The following ANK2 variants were observed in gnomAD, a reference collection of about 807,000 sequenced individuals.
ANK2 encodes the protein ankyrin 2.
ANK2 carries 83 observed loss-of-function variants against 360.5 expected under a neutral mutation model. The ratio of observed to expected loss-of-function variants is 0.23; its 90% CI spans 0.19 to 0.28. ANK2 has a LOEUF of 0.28. Ranked by LOEUF, ANK2 falls within the 10% of genes least tolerant of loss-of-function variation. ANK2 has a pLI of 1.00. For missense variants in ANK2, 4,201 were observed against 4,795.7 expected (o/e 0.88, Z 3.66); for synonymous variants, 1,740 against 1,759.5 (o/e 0.99, Z 0.28).
chr4:112,788,187 T>C, the ANK2 span: 5 of 1,588,288 alleles, frequency 3.1e-6, no homozygotes, highest in South Asian at 5.5e-5. Context: ...TGACGGCAGA[T>C]CTCATCGTAT....
intron 1 of ANK2, among the ~76,000 whole-genome samples, chr4:112,858,435 G>A (rs376853027): frequency 1.3e-4 from 20 of 152,254 alleles, no homozygotes; most frequent in African/African-American, 4.8e-4. Context: ...TTTGATTGAT[G>A]AGTGAGAAAA....
intron 1 of ANK2, among the ~76,000 whole-genome samples, chr4:113,165,532 T>G (rs990285260): frequency 6.6e-6 from 1 of 152,188 alleles, no homozygotes; most frequent in Non-Finnish European, 1.5e-5. Context: ...GCAGAACTTT[T>G]CAAATATATC....
At chr4:113,228,819 A>AT (rs886200748) in intron 4 of ANK2, among the ~76,000 whole-genome samples, 40 of 151,804 alleles carry the variant, frequency 2.6e-4, no homozygotes, top group African/African-American at 6.5e-4. Context: ...CTTGCAATAT[A>AT]TTTTTTTTTA....
intron 1 of ANK2, chr4:112,827,367 T>G: frequency 7.4e-7 from 1 of 1,350,876 alleles, no homozygotes; most frequent in South Asian, 1.2e-5. Context: ...AGATACAGCA[T>G]AGAGATGCTA....
chr4:113,039,883 G>A (rs10015551), intron 2 of ANK2, among the ~76,000 whole-genome samples: 14 of 151,714 alleles, frequency 9.2e-5, no homozygotes, highest in Non-Finnish European at 1.6e-4. Flanking sequence ...TATAATGGAC[G>A]TAAATATGGA....
intron 1 of ANK2, among the ~76,000 whole-genome samples, chr4:112,899,348 C>T (rs988934215): frequency 8.5e-5 from 13 of 152,160 alleles, no homozygotes; most frequent in African/African-American, 2.9e-4. Flanking sequence ...TTAGTGACAT[C>T]CAAAATAATT....
chr4:112,817,312 C>T (rs899986906), upstream of ANK2, among the ~76,000 whole-genome samples: 1 of 152,108 alleles, frequency 6.6e-6, no homozygotes, highest in African/African-American at 2.4e-5. Context: ...ATTAGAAGCT[C>T]TGTAACAAAT....
chr4:112,924,726 A>G (rs1252143182), intron 2 of ANK2, among the ~76,000 whole-genome samples: 3 of 152,058 alleles, frequency 2.0e-5, no homozygotes, highest in Non-Finnish European at 4.4e-5. Context: ...ATTTATATGC[A>G]TAGAAAAATG....
chr4:113,241,817 A>G (rs1464242894), intron 8 of ANK2, among the ~76,000 whole-genome samples: 1 of 152,198 alleles, frequency 6.6e-6, no homozygotes, highest in East Asian at 1.9e-4. Context: ...TTTTGTTTCT[A>G]TTACAGTAAA....
At chr4:113,172,238 G>A (rs2097995175) in intron 1 of ANK2, among the ~76,000 whole-genome samples, 1 of 152,134 alleles carries the variant, frequency 6.6e-6, no homozygotes, top group Non-Finnish European at 1.5e-5. Context: ...ACTTTATTTA[G>A]CAAGTGCCAT....
chr4:113,219,432 A>G (rs2099124438), intron 4 of ANK2, among the ~76,000 whole-genome samples: 1 of 151,928 alleles, frequency 6.6e-6, no homozygotes, highest in East Asian at 1.9e-4. Flanking sequence ...TTTATGTGAT[A>G]TGGTGAGCAG....
At chr4:113,310,631 G>A (rs1375017111) in intron 23 of ANK2, among the ~76,000 whole-genome samples, 1 of 152,110 alleles carries the variant, frequency 6.6e-6, no homozygotes, top group Non-Finnish European at 1.5e-5. Context: ...TGGTCAGGCT[G>A]GTCTTGAACT....
At chr4:113,045,326 C>A (rs1390030552), upstream of ANK2, among the ~76,000 whole-genome samples, 3 of 152,154 alleles carry the variant, frequency 2.0e-5, no homozygotes, top group African/African-American at 7.2e-5. Flanking sequence ...CATCTGACAG[C>A]GGTTTCTTTT....
At chr4:113,280,338 T>G (rs989622335) in intron 17 of ANK2, among the ~76,000 whole-genome samples, 1 of 152,172 alleles carries the variant, frequency 6.6e-6, no homozygotes, top group African/African-American at 2.4e-5. Flanking sequence ...GCCTCTACCT[T>G]GTATGGTCCT....
the ANK2 span, among the ~76,000 whole-genome samples, chr4:112,784,516 T>C: frequency 6.6e-6 from 1 of 151,998 alleles, no homozygotes; most frequent in East Asian, 1.9e-4. Context: ...GCTAATTTTT[T>C]GTATTTGTAG....
At chr4:112,735,785 A>G in the ANK2 span, among the ~76,000 whole-genome samples, 1 of 152,236 alleles carries the variant, frequency 6.6e-6, no homozygotes. Flanking sequence ...ACTAATTTCT[A>G]GAAATTTTTC....
intron 1 of ANK2, among the ~76,000 whole-genome samples, chr4:113,079,897 A>AATTTT (rs1561912679): frequency 1.4e-5 from 2 of 144,426 alleles, no homozygotes; most frequent in African/African-American, 2.6e-5. Context: ...CACCCTGAGA[A>AATTTT]TTTTTTTTTT....
At chr4:113,296,192 G>C (rs534581775) in intron 22 of ANK2, among the ~76,000 whole-genome samples, 2 of 152,058 alleles carry the variant, frequency 1.3e-5, no homozygotes, top group African/African-American at 4.8e-5. Context: ...TGAAGAAACT[G>C]TTTTCACCTA....
intron 1 of ANK2, among the ~76,000 whole-genome samples, chr4:113,165,675 G>A (rs1258126059): frequency 6.6e-6 from 1 of 152,112 alleles, no homozygotes; most frequent in Non-Finnish European, 1.5e-5. Context: ...TTCTCTAGAA[G>A]TATGATAGAC....
Sources: allele counts gnomAD v4.1 joint callset (sites outside exome capture counted in the v4.1 genomes callset), GRCh38; gene constraint gnomAD v4.1.1; transcripts MANE v1.5; gene names NCBI Gene and HGNC (gene_info 2026-07-23, HGNC 2026-07-21).